The following MCM10 variants were observed in gnomAD, a reference collection of about 807,000 sequenced individuals.
MCM10 encodes the protein minichromosome maintenance 10 replication initiation factor.
In MCM10, 91 loss-of-function variants were observed where a neutral mutation model predicts 109.9. The observed-to-expected ratio is 0.83, with a 90% CI of 0.70 to 0.99. MCM10 has a LOEUF of 0.99. Ranked by LOEUF, MCM10 falls within the 50% of genes least tolerant of loss-of-function variation. The pLI, the probability that MCM10 is intolerant of heterozygous loss-of-function variation, is 0.00. For synonymous variants in MCM10, 380 were observed against 387.2 expected (o/e 0.98, Z 0.22); for missense variants, 1,077 against 1,061.2 (o/e 1.01, Z -0.21).
rs1834399240 is a variant in MCM10 at position 13,195,152 on chromosome 10, C to A, written c.1857C>A (p.Ala619=). 6.2e-7 allele frequency: 1 copy of A among 1,613,986 alleles called. No individual in the cohort carries two copies. The highest frequency in any genetic ancestry group is 8.5e-7 in the Non-Finnish European group (1 of 1,180,030). The change falls in exon 14 of 20, where the codon GCC becomes GCA. Residue 619 remains alanine (A), a synonymous_variant. Transcript: ENST00000378714. Reference sequence around the variant, plus strand: ...CCGAGTTCCCCAGGCTGGAGGGAGCCCCGGCCACAATGACGCCCAAGCTGG... The same window carrying A: ...CCGAGTTCCCCAGGCTGGAGGGAGCACCGGCCACAATGACGCCCAAGCTGG... ...TGSEFPRLEG[A]PATMTPKLGR...
chr10:13,172,590 TG>T lies in MCM10; in HGVS notation c.455-35del. On this transcript the variant is annotated intron_variant, in intron 4 of 19. Coordinates refer to ENST00000378714, the MANE Select transcript of MCM10 (RefSeq NM_018518.5). The surrounding 1 kb of genome is among the most constrained non-coding windows in gnomAD (Gnocchi z 5.2). Reference sequence around the variant, plus strand: ...ACAGCCCTTTGAACCTCTTTCTGAATGGGTTTTTACTCACTTATTTTACTTT... The same window carrying T: ...ACAGCCCTTTGAACCTCTTTCTGAATGGTTTTTACTCACTTATTTTACTTT... 1 of 1,611,924 alleles carries T rather than the reference TG, an allele frequency of 6.2e-7. No homozygotes were observed. Among genetic ancestry groups the T allele is most frequent in the South Asian group, 1.1e-5 (1 of 90,716 alleles).
intron 1 of MCM10, among the ~76,000 whole-genome samples, chr10:13,162,842 G>A (rs1052125673): frequency 1.3e-5 from 2 of 152,202 alleles, no homozygotes; most frequent in African/African-American, 4.8e-5. Context: ...CGCTTTGGGA[G>A]GCCAAGGCGG....
intron 6 of MCM10, among the ~76,000 whole-genome samples, chr10:13,179,843 G>C (rs969751172): frequency 6.6e-6 from 1 of 152,158 alleles, no homozygotes; most frequent in Non-Finnish European, 1.5e-5. Context: ...AAAAAAGATT[G>C]TTTGCAGAAG....
intron 11 of MCM10, among the ~76,000 whole-genome samples, chr10:13,192,035 A>G (rs1056230993): frequency 6.6e-6 from 1 of 152,248 alleles, no homozygotes; most frequent in Admixed American, 6.5e-5. Flanking sequence ...TAAGGGCTTA[A>G]TATTCTAATC....
chr10:13,172,565 A>T lies in MCM10; in HGVS notation c.455-63A>T. The T allele has an allele frequency of 6.2e-7, 1 of 1,605,530 alleles. No homozygotes were observed. The highest frequency in any genetic ancestry group is 1.1e-5 in the South Asian group (1 of 90,478). ...ATTTCTGCATCCAACTCCTGTCCAA[A>T]CAGCCCTTTGAACCTCTTTCTGAAT... On this transcript the variant is annotated intron_variant, in intron 4 of 19. Coordinates refer to ENST00000378714, the MANE Select transcript of MCM10 (RefSeq NM_018518.5). This position sits in a 1 kb window ranked among gnomAD's most constrained non-coding sequence, Gnocchi z 5.2.
chr10:13,195,148 G>A lies in MCM10; in HGVS notation c.1853G>A (p.Gly618Glu). 1 of 1,614,142 alleles carries A rather than the reference G, an allele frequency of 6.2e-7. No individual in the cohort carries two copies. The highest frequency in any genetic ancestry group is 8.5e-7 in the Non-Finnish European group (1 of 1,180,032). ...RTGSEFPRLE[G>E]APATMTPKLG... Reference sequence around the variant, plus strand: ...GGATCCGAGTTCCCCAGGCTGGAGGGAGCCCCGGCCACAATGACGCCCAAG... The same window carrying A: ...GGATCCGAGTTCCCCAGGCTGGAGGAAGCCCCGGCCACAATGACGCCCAAG... The change falls in exon 14 of 20, where the codon GGA (glycine) becomes GAA (glutamate). Residue 618 changes from glycine (G) to glutamate (E), a missense_variant. Coordinates refer to ENST00000378714, the MANE Select transcript of MCM10 (RefSeq NM_018518.5).
Position 13,171,110 on chromosome 10 carries a change from G to A in MCM10, c.196G>A (p.Glu66Lys). The stretch of plus-strand genomic sequence containing the variant: ...AGAGGCTGATGATGGAGAAACAGGA[G>A]AGACAAGAGACGAAAAGGAAAATCT... Reference protein sequence around the residue: ...TEEADDGETGETRDEKENLAT... With the variant: ...TEEADDGETGKTRDEKENLAT... The change falls in exon 3 of 20, where the codon GAG (glutamate) becomes AAG (lysine). Residue 66 changes from glutamate to lysine, a missense_variant. Glu to Lys is a moderately conservative substitution (Grantham distance 56). Transcript: ENST00000378714. The A allele has an allele frequency of 6.2e-7, 1 of 1,614,216 alleles. No homozygotes were observed. Among genetic ancestry groups the A allele is most frequent in the Non-Finnish European group, 8.5e-7 (1 of 1,180,036 alleles).
Position 13,209,846 on chromosome 10 carries a change from T to C in MCM10, c.*536T>C, listed in dbSNP as rs1834634407. 6.4e-6 allele frequency: 1 copy of C among 155,456 alleles called. No individual in the cohort carries two copies. Among genetic ancestry groups the C allele is most frequent in the African/African-American group, 2.4e-5 (1 of 41,468 alleles). The allele number at this position is 155,456 out of a possible 1,614,324, so 9.6% of individuals were successfully genotyped here. On this transcript the variant is annotated 3_prime_UTR_variant, in exon 20 of 20. Coordinates refer to ENST00000378714, the MANE Select transcript of MCM10 (RefSeq NM_018518.5). ...TAATAAAACTTTCCCATCTAGATAA[T>C]GATGATCACATAGTCTTGATGTACG...
chr10:13,165,546 C>CT (rs1554773789), intron 2 of MCM10, among the ~76,000 whole-genome samples: 1 of 152,124 alleles, frequency 6.6e-6, no homozygotes, highest in Non-Finnish European at 1.5e-5. Flanking sequence ...ATCATAGTAT[C>CT]TATCTGGAAA....
chr10:13,166,266 G>T (rs1202908290), intron 2 of MCM10, among the ~76,000 whole-genome samples: 2 of 152,120 alleles, frequency 1.3e-5, no homozygotes, highest in Non-Finnish European at 2.9e-5. Flanking sequence ...AGTCCCAGGA[G>T]GGAAAGCAGA....
intron 11 of MCM10, 26 bp downstream of exon 11, chr10:13,191,425 T>A (rs1307386947): frequency 6.3e-7 from 1 of 1,583,098 alleles, no homozygotes; most frequent in Admixed American, 1.7e-5. Context: ...CATAAGAAAT[T>A]TCTTTCTCCA....
At chr10:13,205,566 G>A (rs1315788157) in intron 18 of MCM10, among the ~76,000 whole-genome samples, 1 of 152,080 alleles carries the variant, frequency 6.6e-6, no homozygotes, top group Non-Finnish European at 1.5e-5. Flanking sequence ...TGGATTGAAT[G>A]GTAGTTTTAT....
intron 14 of MCM10, among the ~76,000 whole-genome samples, chr10:13,196,702 AG>A (rs1834426327): frequency 6.6e-6 from 1 of 151,892 alleles, no homozygotes; most frequent in African/African-American, 2.4e-5. Flanking sequence ...TAGAAGAGAC[AG>A]GGTTTCACCA....
chr10:13,164,253 A>G, intron 2 of MCM10, 44 bp downstream of exon 2: 19 of 1,571,534 alleles, frequency 1.2e-5, no homozygotes, highest in Non-Finnish European at 1.6e-5. Flanking sequence ...AAGGAAAACT[A>G]ACCTTTTGTC....
rs539125487 is a variant in MCM10 at position 13,163,958 on chromosome 10, G to T, written c.-75-170G>T. On this transcript the variant is annotated intron_variant, in intron 1 of 19. Transcript: ENST00000378714. The stretch of plus-strand genomic sequence containing the variant: ...GTAAAAGTGAGCTGCTACATCCAAG[G>T]AAGGAGATGGCATTGGCGGTGTGGA... Among the ~76,000 whole-genome samples, 5 of 152,296 alleles carry T rather than the reference G, an allele frequency of 3.3e-5. No individual in the cohort carries two copies. The South Asian group carries it at 1.0e-3, about 32-fold the overall frequency.
intron 13 of MCM10, among the ~76,000 whole-genome samples, chr10:13,194,115 G>C (rs1331544203): frequency 6.6e-6 from 1 of 152,140 alleles, no homozygotes; most frequent in African/African-American, 2.4e-5. Flanking sequence ...TGTAATCCTA[G>C]CACTTTGGGA....
intron 6 of MCM10, among the ~76,000 whole-genome samples, chr10:13,178,718 G>C (rs866737605): frequency 6.6e-6 from 1 of 152,120 alleles, no homozygotes; most frequent in African/African-American, 2.4e-5. Flanking sequence ...TATACCTTTA[G>C]GGTTGTTTTT....
chr10:13,196,804 C>T (rs909783523), intron 14 of MCM10, among the ~76,000 whole-genome samples: 8 of 152,216 alleles, frequency 5.3e-5, no homozygotes, highest in South Asian at 2.1e-4. Context: ...TGAGCCACTG[C>T]GCCCGGCCAG....
intron 15 of MCM10, 107 bp from the exon 16 acceptor site, chr10:13,198,581 AG>A (rs1235931595): frequency 1.7e-5 from 12 of 722,198 alleles, no homozygotes; most frequent in Non-Finnish European, 2.9e-5. Flanking sequence ...TCAAGTTTGA[AG>A]GGCTGGTAGG....
Sources: allele counts gnomAD v4.1 joint callset (sites outside exome capture counted in the v4.1 genomes callset), GRCh38; gene constraint gnomAD v4.1.1; non-coding constraint Gnocchi (gnomAD v3.1); transcripts MANE v1.5; gene names NCBI Gene and HGNC (gene_info 2026-07-23, HGNC 2026-07-21).